SH2D6: variants seen among roughly 807,000 people sequenced by gnomAD.
SH2D6 encodes SH2 domain containing 6, also known as SH2 domain-containing protein 6.
Under a neutral mutation model 30.2 loss-of-function variants are expected in SH2D6, and 31 were observed. The observed-to-expected ratio is 1.03, with a 90% CI of 0.77 to 1.38. SH2D6 has a LOEUF of 1.38. Among genes scored for constraint, SH2D6 ranks in the 40% most tolerant of loss-of-function variants. The probability of loss-of-function intolerance (pLI) is 0.00; values close to 1 mark genes in which losing one functional copy is unlikely to be tolerated. For missense variants in SH2D6, 240 were observed against 266.8 expected, an observed-to-expected ratio of 0.90 and a Z score of 0.70; for synonymous variants, 93 against 104.6, an observed-to-expected ratio of 0.89 and a Z score of 0.68.
rs1434839496 is a variant in SH2D6, at chr2:85,422,499, G to A, written c.-404+9G>A. 6.6e-6 allele frequency: 1 copy of A among 152,338 alleles called. No individual in the cohort carries two copies. The highest frequency in any genetic ancestry group is 1.5e-5 in the Non-Finnish European group (1 of 68,092). The allele number at this position is 152,338 out of a possible 1,614,324, so 9.4% of individuals were successfully genotyped here. ...AGGAGCAGAGAGAGAAGGTGAGTGT[G>A]AGGGAGTCCCTGGGAAACAATGGAG... On this transcript the variant is annotated intron_variant, in intron 4 of 23. Coordinates refer to ENST00000469800, the MANE Select transcript of SH2D6 (RefSeq NM_001394463.1).
In SH2D6 at chr2:85,435,669, G is replaced by A; in HGVS notation, c.736G>A (p.Gly246Arg). The change falls in exon 22 of 24, where the codon GGG (glycine) becomes AGG (arginine). Residue 246 changes from glycine to arginine, a missense_variant. Gly to Arg is a moderately radical substitution (Grantham distance 125). Coordinates refer to ENST00000469800, the MANE Select transcript of SH2D6 (RefSeq NM_001394463.1). ...ESALLHLQKD[G>R]AYTVRPSSGP... ...ATGGCTGGGGTCTCCTCCACAGGAT[G>A]GGGCCTATACCGTGCGCCCCAGCTC... 1.2e-6 allele frequency: 2 copies of A among 1,600,628 alleles called. No individual in the cohort carries two copies. Among genetic ancestry groups the A allele is most frequent in the South Asian group, 2.2e-5 (2 of 89,552 alleles).
chr2:85,424,715 T>C (rs1048700437), intron 5 of SH2D6, among the ~76,000 whole-genome samples: 1 of 152,144 alleles, frequency 6.6e-6, no homozygotes, highest in African/African-American at 2.4e-5. Context: ...GCTGCAGTGG[T>C]CTATGGTCAT....
rs779756776 is a variant in SH2D6, at chr2:85,418,811, A to T, written c.-912A>T. The T allele has an allele frequency of 1.3e-5, 2 of 152,192 alleles. No homozygotes were observed. Among genetic ancestry groups the T allele is most frequent in the Non-Finnish European group, 2.9e-5 (2 of 68,070 alleles). 9.4% of individuals were successfully genotyped at this position (152,192 alleles called of 1,614,324 possible). On this transcript the variant is annotated 5_prime_UTR_variant, in exon 1 of 24. It removes an upstream start codon present in the reference 5' UTR. Coordinates refer to ENST00000469800, the MANE Select transcript of SH2D6 (RefSeq NM_001394463.1). ...TGGGGGCTACCCTGCTGGGGAAGAG[A>T]TGGCCTTCTCTCCTCGCAAACCCAG...
In SH2D6 at chr2:85,435,818, TGAG is replaced by T. The variant is rs1689390823; in HGVS notation, c.890_891+1del. 1 of 1,589,546 alleles carries T rather than the reference TGAG, an allele frequency of 6.3e-7. No individual in the cohort carries two copies. Among genetic ancestry groups the T allele is most frequent in the Non-Finnish European group, 8.6e-7 (1 of 1,168,084 alleles). ...CCCTGGGCCGGGAGGGCAGGAACCG[TGAG>T]GAGGTGGGAGCTGGAGGAGGCAGGG... On this transcript the variant is annotated inframe_deletion, in exon 22 of 24. Transcript: ENST00000469800.
In SH2D6 at chr2:85,435,967, T is replaced by A. The variant is rs1289273736; in HGVS notation, c.891+143T>A. 6.6e-6 allele frequency: 8 copies of A among 1,204,608 alleles called. No individual in the cohort carries two copies. The East Asian group carries it at 2.1e-4, about 32-fold the overall frequency. 74.6% of individuals were successfully genotyped at this position (1,204,608 alleles called of 1,614,324 possible). ...AATGACAGAGCCCAGAGCCCTGAAC[T>A]CCTTCCAGACACCTGGCCCTCTGGT... is the stretch of plus-strand genomic sequence containing the variant. On this transcript the variant is annotated intron_variant, in intron 22 of 23. Transcript: ENST00000469800.
intron 2 of SH2D6, chr2:85,421,396 C>T (rs1399193368): frequency 1.3e-5 from 2 of 152,258 alleles, no homozygotes; most frequent in East Asian, 1.9e-4. Flanking sequence ...GCCCGGTAGT[C>T]GAAGACATAT....
intron 6 of SH2D6, among the ~76,000 whole-genome samples, chr2:85,428,295 G>T (rs1405586516): frequency 6.6e-6 from 1 of 152,142 alleles, no homozygotes. Flanking sequence ...AGCCTTTAGG[G>T]CACAGGCTCT....
At chr2:85,433,162 T>A (rs538889553) in intron 15 of SH2D6, 41 bp downstream of exon 15, 17 of 982,742 alleles carry the variant, frequency 1.7e-5, no homozygotes, top group Admixed American at 6.1e-5. Flanking sequence ...TCCAGGCTTC[T>A]GGTTAAGAAA....
Position 85,435,780 on chromosome 2 carries a change from G to T in SH2D6, c.847G>T (p.Gly283Ter). 6.2e-7 allele frequency: 1 copy of T among 1,606,070 alleles called. No homozygotes were observed. Among genetic ancestry groups the T allele is most frequent in the Non-Finnish European group, 8.5e-7 (1 of 1,176,484 alleles). ...FNIPIRRLDGGRHYALGREGR... is the reference protein window; with the variant it reads ...FNIPIRRLDG ...CATTCCCATCCGGCGGCTGGATGGCGGACGCCACTATGCCCTGGGCCGGGA... is the reference window on the plus strand; with the variant it reads ...CATTCCCATCCGGCGGCTGGATGGCTGACGCCACTATGCCCTGGGCCGGGA... The change falls in exon 22 of 24, where the codon GGA becomes TGA. Residue 283 changes from glycine (G) to a stop codon, truncating the protein, a stop_gained. Transcript: ENST00000469800. LOFTEE classifies it high-confidence loss of function.
chr2:85,433,485 G>A (rs867323804), intron 15 of SH2D6, 86 bp from the exon 16 acceptor site: 7 of 694,356 alleles, frequency 1.0e-5, no homozygotes, highest in East Asian at 2.7e-4. Context: ...CCTTCAAATC[G>A]ATGGCTCCTC....
chr2:85,425,226 C>A (rs1687941444), intron 5 of SH2D6, 82 bp from the exon 6 acceptor site: 1 of 149,060 alleles, frequency 6.7e-6, no homozygotes, highest in Non-Finnish European at 1.5e-5. Context: ...TCTGAGGTTT[C>A]ATCCCCAAAT....
At chr2:85,432,390 T>G (rs55873746) in intron 14 of SH2D6, among the ~76,000 whole-genome samples, 50,212 of 150,194 alleles carry the variant, frequency 0.33, 9,348 homozygotes, top group Non-Finnish European at 0.43. Context: ...TATTTATTTT[T>G]TTTGTTTTGT....
At chr2:85,435,575 G>A in intron 21 of SH2D6, 79 bp downstream of exon 21, 2 of 1,584,256 alleles carry the variant, frequency 1.3e-6, no homozygotes, top group Non-Finnish European at 1.7e-6. Context: ...GTGGGGAGCA[G>A]GAGGGCCAGG....
chr2:85,420,585 G>T (rs1480358097), intron 2 of SH2D6, among the ~76,000 whole-genome samples: 1 of 152,254 alleles, frequency 6.6e-6, no homozygotes, highest in Non-Finnish European at 1.5e-5. Context: ...CCAGCAATCA[G>T]CAGGGTGCAG....
At chr2:85,435,948 A>G (rs1689407652) in intron 22 of SH2D6, 124 bp downstream of exon 22, 3 of 1,296,324 alleles carry the variant, frequency 2.3e-6, no homozygotes, top group African/African-American at 1.5e-5. Flanking sequence ...CAGAAATGAC[A>G]GAGCCCAGAG....
intron 2 of SH2D6, among the ~76,000 whole-genome samples, chr2:85,420,643 A>G (rs1687715577): frequency 6.6e-6 from 1 of 152,280 alleles, no homozygotes; most frequent in African/African-American, 2.4e-5. Context: ...GAATGTGGCT[A>G]AGGAAGGGCA....
In SH2D6 at chr2:85,433,567, T is replaced by G. The variant is rs1689021305; in HGVS notation, c.394-4T>G. 1 of 997,350 alleles carries G rather than the reference T, an allele frequency of 1.0e-6. No homozygotes were observed. The allele number at this position is 997,350 out of a possible 1,614,324, so 61.8% of individuals were successfully genotyped here. ...ATGGTCTCACACACCCCTCCCTACC[T>G]TAGGTGCCAGGCCCTCCAAAGAAAC... On this transcript the variant is annotated splice_region_variant and splice_polypyrimidine_tract_variant and intron_variant, in intron 15 of 23. Coordinates refer to ENST00000469800, the MANE Select transcript of SH2D6 (RefSeq NM_001394463.1).
Position 85,433,630 on chromosome 2 carries a change from A to T in SH2D6, c.453A>T (p.Pro151=). 9.8e-7 allele frequency: 1 copy of T among 1,022,388 alleles called. No homozygotes were observed. Among genetic ancestry groups the T allele is most frequent in the Non-Finnish European group, 1.2e-6 (1 of 852,788 alleles). The allele number at this position is 1,022,388 out of a possible 1,614,324, so 63.3% of individuals were successfully genotyped here. Residue 151 remains proline (P), a splice_region_variant and synonymous_variant, in exon 16 of 24, where the codon CCA becomes CCT. Coordinates refer to ENST00000469800, the MANE Select transcript of SH2D6 (RefSeq NM_001394463.1). ...EDLYLECEPD[P]VLALTQTLSF... Reference sequence around the variant, plus strand: ...TCTACTTGGAATGTGAGCCGGATCCAGGTGAGCCCCTCCCTCAGCTCCAGA... The same window carrying T: ...TCTACTTGGAATGTGAGCCGGATCCTGGTGAGCCCCTCCCTCAGCTCCAGA...
At chr2:85,419,474 C>A (rs1421853919) in intron 2 of SH2D6, among the ~76,000 whole-genome samples, 14 of 152,216 alleles carry the variant, frequency 9.2e-5, no homozygotes, top group Admixed American at 9.2e-4. Flanking sequence ...TGTGCTGAGG[C>A]CCTACTTCAT....
Sources: allele counts gnomAD v4.1 joint callset (sites outside exome capture counted in the v4.1 genomes callset), GRCh38; gene constraint gnomAD v4.1.1; transcripts MANE v1.5; gene names NCBI Gene and HGNC (gene_info 2026-07-23, HGNC 2026-07-21).